CACHD1: variants seen among roughly 807,000 people sequenced by gnomAD.
CACHD1 encodes the protein cache domain containing 1, also known as VWFA and cache domain-containing protein 1.
Under a neutral mutation model 138.7 loss-of-function variants are expected in CACHD1, and 71 were observed. That is an observed-to-expected ratio of 0.51 (90% CI 0.42 to 0.62). The LOEUF is 0.62. Ranked by LOEUF, CACHD1 falls within the 20% of genes least tolerant of loss-of-function variation. The pLI, the probability that CACHD1 is intolerant of heterozygous loss-of-function variation, is 0.00. For missense variants in CACHD1, 1,389 were observed against 1,625.3 expected (o/e 0.85, Z 2.50); for synonymous variants, 578 against 591.5 (o/e 0.98, Z 0.33).
chr1:64,570,936 C>G (rs924329380), intron 2 of CACHD1, among the ~76,000 whole-genome samples: 2 of 151,938 alleles, frequency 1.3e-5, no homozygotes, highest in African/African-American at 2.4e-5. Flanking sequence ...TAAAAAAAAA[C>G]TTGTACCTCT....
chr1:64,609,879 G>A lies in CACHD1; in HGVS notation c.517+6967G>A, dbSNP rs369999290. ...TATTGTATTAGTCCACTCTCTTGCT[G>A]CTAATAATAAAGACATACCTGAGAC... On this transcript the variant is annotated intron_variant, in intron 4 of 26. Transcript: ENST00000651257. 1.2e-4 allele frequency among the ~76,000 whole-genome samples: 18 copies of A among 152,204 alleles called. 3 individuals are homozygous for A. The highest frequency in any genetic ancestry group is 4.6e-4 in the Admixed American group (7 of 15,288).
intron 2 of CACHD1, among the ~76,000 whole-genome samples, chr1:64,579,555 C>A (rs908254691): frequency 2.0e-5 from 3 of 152,048 alleles, no homozygotes; most frequent in African/African-American, 7.2e-5. Context: ...CTTAATACTC[C>A]TATGTGGGAA....
intron 7 of CACHD1, among the ~76,000 whole-genome samples, chr1:64,637,604 T>C (rs1280385513): frequency 1.3e-5 from 2 of 152,226 alleles, no homozygotes; most frequent in African/African-American, 4.8e-5. Context: ...GTGTTGTTTT[T>C]CTTAATGTTG....
At chr1:64,687,082 T>C (rs75786589) in intron 26 of CACHD1, among the ~76,000 whole-genome samples, 2,609 of 152,326 alleles carry the variant, frequency 0.017, 69 homozygotes, top group African/African-American at 0.059. Context: ...CTAAAGCCCA[T>C]TTCCCACTTG....
intron 3 of CACHD1, among the ~76,000 whole-genome samples, chr1:64,589,428 T>C (rs1341576888): frequency 6.6e-6 from 1 of 152,150 alleles, no homozygotes; most frequent in African/African-American, 2.4e-5. Context: ...AGCACCGTTA[T>C]AACCTTGTGT....
At chr1:64,511,469 CAG>C (rs1442918508) in intron 1 of CACHD1, among the ~76,000 whole-genome samples, 1 of 152,100 alleles carries the variant, frequency 6.6e-6, no homozygotes, top group African/African-American at 2.4e-5. Flanking sequence ...CATCAGGTTC[CAG>C]AGAGAGGTTA....
intron 2 of CACHD1, among the ~76,000 whole-genome samples, chr1:64,567,191 T>G (rs761119730): frequency 1.3e-5 from 2 of 152,158 alleles, no homozygotes; most frequent in Non-Finnish European, 2.9e-5. Context: ...TATTCTATAC[T>G]TGGCATTGTA....
At chr1:64,582,333 A>G (rs1229920090) in intron 3 of CACHD1, 29 bp downstream of exon 3, 11 of 1,593,974 alleles carry the variant, frequency 6.9e-6, no homozygotes, top group South Asian at 1.1e-5. Flanking sequence ...TTGTTGTTGT[A>G]TAAACCAGAC....
At chr1:64,651,539 C>T (rs560827063) in intron 9 of CACHD1, among the ~76,000 whole-genome samples, 7 of 152,274 alleles carry the variant, frequency 4.6e-5, no homozygotes, top group Non-Finnish European at 1.0e-4. Context: ...CCCATAGTCC[C>T]AGCTACTTGA....
At chr1:64,606,505 C>T (rs1315543000) in intron 4 of CACHD1, among the ~76,000 whole-genome samples, 1 of 151,998 alleles carries the variant, frequency 6.6e-6, no homozygotes, top group Non-Finnish European at 1.5e-5. Flanking sequence ...CACCAAGAGC[C>T]TTATTTTACT....
chr1:64,679,751 C>T lies in CACHD1; in HGVS notation c.3401C>T (p.Ala1134Val). The change falls in exon 24 of 27, where the codon GCC becomes GTC. Residue 1134 changes from alanine to valine, a missense_variant. Coordinates refer to ENST00000651257, the MANE Select transcript of CACHD1 (RefSeq NM_020925.4). ...RSHQHMSPLAAQEMSVRMSNL... is the reference protein window; with the variant it reads ...RSHQHMSPLAVQEMSVRMSNL... ...CATCAGCATATGTCTCCTCTTGCTG[C>T]CCAAGGTGAGCTCAAAATGAACCCC... is the stretch of plus-strand genomic sequence containing the variant. 6.2e-7 allele frequency: 1 copy of T among 1,613,482 alleles called. No homozygotes were observed. Among genetic ancestry groups the T allele is most frequent in the Admixed American group, 1.7e-5 (1 of 60,020 alleles).
At chr1:64,658,272 C>T (rs920838370) in intron 12 of CACHD1, among the ~76,000 whole-genome samples, 3 of 152,200 alleles carry the variant, frequency 2.0e-5, no homozygotes, top group African/African-American at 7.2e-5. Context: ...GAATTCACTA[C>T]TGGCTTGAAA....
At chr1:64,514,271 C>T (rs550598166) in intron 1 of CACHD1, among the ~76,000 whole-genome samples, 1 of 152,216 alleles carries the variant, frequency 6.6e-6, no homozygotes, top group Non-Finnish European at 1.5e-5. Flanking sequence ...CTTTTTGTGG[C>T]CTTGGAAATT....
chr1:64,653,198 AG>A (rs1462066186), intron 10 of CACHD1, among the ~76,000 whole-genome samples: 2 of 152,162 alleles, frequency 1.3e-5, no homozygotes, highest in African/African-American at 4.8e-5. Context: ...ATGGACACAA[AG>A]AGGAGGACAA....
rs375256067 is a variant in CACHD1 at position 64,685,874 on chromosome 1, G to C, written c.3586+3768G>C. 9.9e-4 allele frequency among the ~76,000 whole-genome samples: 150 copies of C among 151,900 alleles called. 2 individuals carry two copies. The highest frequency in any genetic ancestry group is 3.4e-3 in the African/African-American group (142 of 41,378). ...AAAAAAAAAGAAAAAAAAAATGCTGGGTGGAGTTGCAATGAGGATGAAATG... is the reference window on the plus strand; with the variant it reads ...AAAAAAAAAGAAAAAAAAAATGCTGCGTGGAGTTGCAATGAGGATGAAATG... On this transcript the variant is annotated intron_variant, in intron 26 of 26. Coordinates refer to ENST00000651257, the MANE Select transcript of CACHD1 (RefSeq NM_020925.4).
At chr1:64,489,463 G>A (rs958692901) in intron 1 of CACHD1, among the ~76,000 whole-genome samples, 14 of 152,258 alleles carry the variant, frequency 9.2e-5, no homozygotes, top group African/African-American at 2.4e-4. Context: ...TTCAAAGCTC[G>A]TTTCAGAGTC....
intron 3 of CACHD1, among the ~76,000 whole-genome samples, chr1:64,595,756 C>G (rs531775259): frequency 1.3e-5 from 2 of 152,294 alleles, no homozygotes; most frequent in Admixed American, 6.5e-5. Context: ...AAGTGAGACA[C>G]AAGGTCACAG....
intron 1 of CACHD1, among the ~76,000 whole-genome samples, chr1:64,508,193 A>T (rs1005754342): frequency 2.0e-5 from 3 of 152,132 alleles, no homozygotes; most frequent in Non-Finnish European, 4.4e-5. Flanking sequence ...CAAGGGGGAA[A>T]TCCACCCACA....
chr1:64,524,894 T>A (rs305574), intron 1 of CACHD1, among the ~76,000 whole-genome samples: 9 of 151,856 alleles, frequency 5.9e-5, no homozygotes, highest in Admixed American at 4.6e-4. Flanking sequence ...AGCACTCCCA[T>A]GTATGAGAGA....
Sources: gnomAD v4.1 joint callset for allele counts (sites outside exome capture counted in the v4.1 genomes callset) on GRCh38, gnomAD v4.1.1 for gene constraint, MANE v1.5 for transcripts, NCBI Gene and HGNC (gene_info 2026-07-23, HGNC 2026-07-21) for gene names.